The following DCC variants were observed in gnomAD, a reference collection of about 807,000 sequenced individuals.
DCC encodes the protein DCC netrin 1 receptor, also known as netrin receptor DCC.
A neutral mutation model predicts 172.5 loss-of-function variants in DCC; 58 were observed. The ratio of observed to expected loss-of-function variants is 0.34; its 90% confidence interval spans 0.27 to 0.42. The LOEUF (loss-of-function observed/expected upper bound fraction) is 0.42, where lower values mean the gene tolerates loss of function less well. DCC is among the 10% of genes least tolerant of loss of function. The pLI is 1.00. For missense variants in DCC, 1,740 were observed against 1,791.0 expected (o/e 0.97, Z 0.51); for synonymous variants, 709 against 644.5 (o/e 1.10, Z -1.52).
intron 8 of DCC, 114 bp downstream of exon 8, chr18:53,157,626 T>A: frequency 4.8e-6 from 5 of 1,043,948 alleles, no homozygotes; most frequent in Non-Finnish European, 7.2e-6. Flanking sequence ...CTGTGAAATC[T>A]CTACTATGTC....
chr18:52,697,263 GAC>G (rs1370102834), intron 1 of DCC, among the ~76,000 whole-genome samples: 2 of 152,062 alleles, frequency 1.3e-5, no homozygotes, highest in African/African-American at 4.8e-5. Context: ...CAAATACAAA[GAC>G]ACACACACAT....
chr18:53,311,800 G>A (rs916176485), intron 13 of DCC, among the ~76,000 whole-genome samples: 3 of 152,030 alleles, frequency 2.0e-5, no homozygotes, highest in Admixed American at 6.5e-5. Flanking sequence ...AAACAAAGAG[G>A]CCTGGTTTTT....
chr18:53,340,134 G>T (rs2057640886), intron 15 of DCC, among the ~76,000 whole-genome samples: 1 of 151,674 alleles, frequency 6.6e-6, no homozygotes, highest in Non-Finnish European at 1.5e-5. Flanking sequence ...TCAGGAATTT[G>T]ATCTAGAGAG....
chr18:52,479,891 T>C (rs2029887212), intron 1 of DCC, among the ~76,000 whole-genome samples: 1 of 152,064 alleles, frequency 6.6e-6, no homozygotes, highest in African/African-American at 2.4e-5. Context: ...GGACGACTTC[T>C]GCTCTCAGTT....
At chr18:52,924,914 C>T (rs1411212495) in intron 4 of DCC, among the ~76,000 whole-genome samples, 1 of 151,926 alleles carries the variant, frequency 6.6e-6, no homozygotes, top group Non-Finnish European at 1.5e-5. Context: ...CAGAGTACCA[C>T]TTCTCTAGAC....
chr18:52,779,561 C>T, intron 2 of DCC, among the ~76,000 whole-genome samples: 1 of 152,170 alleles, frequency 6.6e-6, no homozygotes, highest in East Asian at 1.9e-4. Context: ...CATTGATTAA[C>T]ATTTGGGTTA....
At chr18:52,412,337 T>A (rs1986872375) in intron 1 of DCC, among the ~76,000 whole-genome samples, 1 of 152,122 alleles carries the variant, frequency 6.6e-6, no homozygotes, top group Admixed American at 6.6e-5. Context: ...ACACGGAGGA[T>A]ATGAGGTAAA....
In DCC at chr18:53,193,188, T is replaced by C. The variant is rs539511525; in HGVS notation, c.1574-12028T>C. ...AAAATGCTTAAAATGGGAATTTCTT[T>C]CTGATTTTTAGAATAAAAGATCCAC... On this transcript the variant is annotated intron_variant, in intron 9 of 28. Coordinates refer to ENST00000442544, the MANE Select transcript of DCC (RefSeq NM_005215.4). Among the ~76,000 whole-genome samples the C allele has an allele frequency of 5.9e-5, 9 of 152,284 alleles. No homozygotes were observed. The South Asian group carries it at 1.9e-3, about 32-fold the overall frequency.
intron 17 of DCC, among the ~76,000 whole-genome samples, chr18:53,393,758 G>T (rs1168362534): frequency 6.6e-6 from 1 of 152,162 alleles, no homozygotes; most frequent in East Asian, 1.9e-4. Flanking sequence ...TATTTCAGTT[G>T]AATAGTTACT....
At chr18:52,725,294 C>G (rs887663836) in intron 1 of DCC, among the ~76,000 whole-genome samples, 1 of 152,198 alleles carries the variant, frequency 6.6e-6, no homozygotes, top group African/African-American at 2.4e-5. Flanking sequence ...TTCCATTTCC[C>G]TCTGTGCCCA....
chr18:53,502,547 G>A (rs556069697), intron 27 of DCC, among the ~76,000 whole-genome samples: 3 of 152,106 alleles, frequency 2.0e-5, no homozygotes, highest in African/African-American at 7.2e-5. Flanking sequence ...CTTTCAACAA[G>A]TTTTGATTCT....
intron 2 of DCC, among the ~76,000 whole-genome samples, chr18:52,754,911 G>A (rs550302404): frequency 1.3e-5 from 2 of 152,196 alleles, no homozygotes; most frequent in African/African-American, 2.4e-5. Flanking sequence ...CTCTACTCAG[G>A]AGACAGGCCA....
intron 1 of DCC, among the ~76,000 whole-genome samples, chr18:52,349,607 A>G (rs980242784): frequency 1.3e-5 from 2 of 152,108 alleles, no homozygotes; most frequent in African/African-American, 4.8e-5. Context: ...TACTGTTAAA[A>G]GTTTATTTTA....
chr18:52,453,383 T>C (rs982474456), intron 1 of DCC, among the ~76,000 whole-genome samples: 1 of 152,164 alleles, frequency 6.6e-6, no homozygotes, highest in African/African-American at 2.4e-5. Context: ...TTCCAAATGA[T>C]GTAGCACATG....
chr18:52,928,546 CAT>C (rs891866503), intron 5 of DCC, among the ~76,000 whole-genome samples: 4 of 152,148 alleles, frequency 2.6e-5, no homozygotes, highest in Admixed American at 6.5e-5. Flanking sequence ...CATATGCACA[CAT>C]GTGCGTGCAT....
chr18:52,587,985 T>C (rs1490791579), intron 1 of DCC, among the ~76,000 whole-genome samples: 2 of 152,188 alleles, frequency 1.3e-5, no homozygotes, highest in East Asian at 3.9e-4. Flanking sequence ...TACATCCATT[T>C]GTGATGGAAT....
chr18:52,350,354 T>C (rs1239338058), intron 1 of DCC, among the ~76,000 whole-genome samples: 1 of 152,210 alleles, frequency 6.6e-6, no homozygotes, highest in Non-Finnish European at 1.5e-5. Flanking sequence ...GATTTGCGTA[T>C]GTTGAACCAG....
At chr18:53,003,598 C>T (rs11873115) in intron 5 of DCC, among the ~76,000 whole-genome samples, 27,717 of 152,034 alleles carry the variant, frequency 0.18, 2,938 homozygotes, top group African/African-American at 0.3. Flanking sequence ...AAGAGAGTGG[C>T]TGTCCAAAGA....
chr18:53,160,011 A>G (rs945873863), intron 8 of DCC, among the ~76,000 whole-genome samples: 10 of 152,146 alleles, frequency 6.6e-5, no homozygotes, highest in African/African-American at 2.4e-4. Context: ...TATAGGAAGA[A>G]GGAGGATGAG....
Sources: allele counts gnomAD v4.1 joint callset (sites outside exome capture counted in the v4.1 genomes callset), GRCh38; gene constraint gnomAD v4.1.1; transcripts MANE v1.5; gene names NCBI Gene and HGNC (gene_info 2026-07-23, HGNC 2026-07-21).